CTNNA3: variants seen among roughly 807,000 people sequenced by gnomAD.
CTNNA3 encodes the protein catenin alpha-3.
CTNNA3 carries 76 observed loss-of-function variants against 95.7 expected under a neutral mutation model. The ratio of observed to expected loss-of-function variants is 0.79; its 90% CI spans 0.66 to 0.96. The LOEUF (loss-of-function observed/expected upper bound fraction) is 0.96. Among genes scored for constraint, CTNNA3 ranks in the 40% least tolerant of loss-of-function variants. CTNNA3 has a pLI of 0.00. For synonymous variants in CTNNA3, 431 were observed against 374.4 expected, an observed-to-expected ratio of 1.15 and a Z score of -1.74; for missense variants, 1,191 against 1,089.8, an observed-to-expected ratio of 1.09 and a Z score of -1.31.
At chr10:67,287,971 AC>A (rs1839677403) in intron 5 of CTNNA3, among the ~76,000 whole-genome samples, 1 of 152,198 alleles carries the variant, frequency 6.6e-6, no homozygotes, top group South Asian at 2.1e-4. Context: ...TCTCTAATTG[AC>A]ACTGTTCATA....
At chr10:66,226,111 T>G (rs1308559174) in intron 13 of CTNNA3, among the ~76,000 whole-genome samples, 1 of 152,134 alleles carries the variant, frequency 6.6e-6, no homozygotes, top group Non-Finnish European at 1.5e-5. Flanking sequence ...TAGCCTATGT[T>G]TTTGAACTCT....
intron 7 of CTNNA3, among the ~76,000 whole-genome samples, chr10:66,935,728 T>C (rs1589448883): frequency 1.3e-5 from 2 of 152,018 alleles, no homozygotes; most frequent in East Asian, 3.8e-4. Context: ...GGAATTTGTA[T>C]ATATTATCTA....
chr10:66,810,616 C>G (rs1215529820), intron 7 of CTNNA3, among the ~76,000 whole-genome samples: 1 of 149,464 alleles, frequency 6.7e-6, no homozygotes. Flanking sequence ...TCCAACACTT[C>G]AGCTAGAAAC....
At chr10:67,649,876 G>T (rs894691909) in intron 1 of CTNNA3, among the ~76,000 whole-genome samples, 2 of 152,156 alleles carry the variant, frequency 1.3e-5, no homozygotes, top group African/African-American at 4.8e-5. Context: ...TTTTGCTCTT[G>T]TTGCCCAGGC....
intron 7 of CTNNA3, among the ~76,000 whole-genome samples, chr10:66,916,627 A>G (rs1846506846): frequency 6.6e-6 from 1 of 152,204 alleles, no homozygotes; most frequent in South Asian, 2.1e-4. Flanking sequence ...AGCTAATACC[A>G]TAGGATTCAT....
At chr10:66,000,180 G>T (rs1430292019) in intron 15 of CTNNA3, among the ~76,000 whole-genome samples, 1 of 152,114 alleles carries the variant, frequency 6.6e-6, no homozygotes, top group Non-Finnish European at 1.5e-5. Flanking sequence ...ATTTTATTCA[G>T]ATAAGTGAAA....
chr10:67,621,180 C>T (rs1393186252), intron 2 of CTNNA3, among the ~76,000 whole-genome samples: 4 of 151,982 alleles, frequency 2.6e-5, no homozygotes, highest in African/African-American at 4.8e-5. Context: ...TTGTGTAAGG[C>T]CTGGGCATCA....
chr10:65,984,129 A>G (rs1042759826), intron 16 of CTNNA3, among the ~76,000 whole-genome samples: 17 of 151,366 alleles, frequency 1.1e-4, no homozygotes, highest in African/African-American at 4.1e-4. Flanking sequence ...ACACCAGCAA[A>G]AACTAAAGCT....
At chr10:66,577,148 T>G (rs773202998) in intron 10 of CTNNA3, among the ~76,000 whole-genome samples, 6 of 151,828 alleles carry the variant, frequency 4.0e-5, no homozygotes, top group Non-Finnish European at 5.9e-5. Context: ...GTGTCTCTTC[T>G]TGTCCTTTGC....
rs186195162 is a variant in CTNNA3 at position 66,178,526 on chromosome 10, C to T, written c.1885-75277G>A. Reference sequence around the variant, plus strand: ...ACCCCTTAAGAGTTCTTAAACTTGACAGCAGAAATATATACCATAAAAGGA... The same window carrying T: ...ACCCCTTAAGAGTTCTTAAACTTGATAGCAGAAATATATACCATAAAAGGA... On this transcript the variant is annotated intron_variant, in intron 13 of 17. Coordinates refer to ENST00000433211, the MANE Select transcript of CTNNA3 (RefSeq NM_013266.4). Among the ~76,000 whole-genome samples, 405 of 147,720 alleles carry T rather than the reference C, an allele frequency of 2.7e-3. 3 individuals carry two copies. The highest frequency in any genetic ancestry group is 0.02 in the East Asian group (98 of 5,010).
rs371119630 is a variant in CTNNA3 at position 66,962,066 on chromosome 10, GAAGT to G, written c.1048-186546_1048-186543del. Among the ~76,000 whole-genome samples, 1,122 of 152,214 alleles carry G rather than the reference GAAGT, an allele frequency of 7.4e-3. 6 individuals are homozygous for G. The highest frequency in any genetic ancestry group is 0.024 in the Middle Eastern group (7 of 294). On this transcript the variant is annotated intron_variant, in intron 7 of 17. Transcript: ENST00000433211. ...ACCGTTATTCCTGTCTTGGTTTATT[GAAGT>G]AAGGCTTCCACCTTCACCTCATCTC...
chr10:67,726,768 C>CACATA (rs1564841464), intron 1 of CTNNA3, among the ~76,000 whole-genome samples: 2 of 48,174 alleles, frequency 4.2e-5, no homozygotes, highest in East Asian at 6.9e-4. Flanking sequence ...GAATATGACA[C>CACATA]ATATATCATA....
chr10:66,941,183 G>A (rs977551871), intron 7 of CTNNA3, among the ~76,000 whole-genome samples: 1 of 152,190 alleles, frequency 6.6e-6, no homozygotes, highest in Non-Finnish European at 1.5e-5. Context: ...AAAATGCACA[G>A]TTACAACAGA....
intron 11 of CTNNA3, among the ~76,000 whole-genome samples, chr10:66,454,630 CA>C (rs35229070): frequency 0.39 from 59,199 of 151,758 alleles, 12,242 homozygotes; most frequent in African/African-American, 0.53. Flanking sequence ...GTGATGATGT[CA>C]ATTGTTAGTT....
At chr10:67,133,646 T>C (rs1367419687) in intron 7 of CTNNA3, among the ~76,000 whole-genome samples, 2 of 151,808 alleles carry the variant, frequency 1.3e-5, no homozygotes, top group Non-Finnish European at 2.9e-5. Context: ...AGATTAAAAC[T>C]CTAATTAATT....
rs1167571678 is a variant in CTNNA3, at chr10:65,919,975, GGAT to G, written c.*352_*354del. ...ATGTTAGTGTTTTAATTCAAGATAA[GGAT>G]GATAAGTGTACATGAAGTATTACAG... On this transcript the variant is annotated 3_prime_UTR_variant, in exon 18 of 18. Coordinates refer to ENST00000433211, the MANE Select transcript of CTNNA3 (RefSeq NM_013266.4). The G allele has an allele frequency of 5.4e-6, 1 of 186,770 alleles. No homozygotes were observed. Among genetic ancestry groups the G allele is most frequent in the Non-Finnish European group, 1.1e-5 (1 of 90,308 alleles). The allele number at this position is 186,770 out of a possible 1,614,324, so 11.6% of individuals were successfully genotyped here. A position where few individuals can be genotyped will look rare whatever the true frequency, so the allele number is the denominator to read the frequency against.
At chr10:66,850,149 ATGT>A (rs2132377925) in intron 7 of CTNNA3, among the ~76,000 whole-genome samples, 1 of 152,304 alleles carries the variant, frequency 6.6e-6, no homozygotes, top group East Asian at 1.9e-4. Context: ...AGGGGAAGAA[ATGT>A]TGTCCAAAGT....
At chr10:66,813,294 TAATAA>T (rs1841952407) in intron 7 of CTNNA3, among the ~76,000 whole-genome samples, 1 of 152,182 alleles carries the variant, frequency 6.6e-6, no homozygotes, top group Admixed American at 6.6e-5. Context: ...GGATCTTGTC[TAATAA>T]AACATACAAG....
At chr10:66,978,853 G>A (rs1850234991) in intron 7 of CTNNA3, among the ~76,000 whole-genome samples, 1 of 149,168 alleles carries the variant, frequency 6.7e-6, no homozygotes, top group African/African-American at 2.5e-5. Flanking sequence ...ATTATTAACT[G>A]TATTTTATGT....
Sources: allele counts gnomAD v4.1 joint callset (sites outside exome capture counted in the v4.1 genomes callset), GRCh38; gene constraint gnomAD v4.1.1; transcripts MANE v1.5; gene names NCBI Gene and HGNC (gene_info 2026-07-23, HGNC 2026-07-21).